Variants in LURAP1L observed in about 807,000 individuals in gnomAD.
LURAP1L encodes the protein leucine rich adaptor protein 1 like.
A neutral mutation model predicts 13.8 loss-of-function variants in LURAP1L; 12 were observed. The observed-to-expected ratio is 0.87, with a 90% CI of 0.56 to 1.41. The LOEUF (loss-of-function observed/expected upper bound fraction) is 1.41. Ranked by LOEUF, LURAP1L falls within the 40% of genes most tolerant of loss-of-function variation. LURAP1L has a pLI of 0.00. For missense variants in LURAP1L, 375 were observed against 292.9 expected (o/e 1.28, Z -2.04); for synonymous variants, 139 against 119.2 (o/e 1.17, Z -1.08).
chr9:12,811,838 G>C (rs138034815), intron 1 of LURAP1L, among the ~76,000 whole-genome samples: 2 of 152,242 alleles, frequency 1.3e-5, no homozygotes, highest in African/African-American at 4.8e-5. Context: ...TCAAGTGAAG[G>C]CCCCTGGATC....
intron 1 of LURAP1L, among the ~76,000 whole-genome samples, chr9:12,784,476 G>A (rs903633957): frequency 6.6e-6 from 1 of 152,154 alleles, no homozygotes; most frequent in Non-Finnish European, 1.5e-5. Flanking sequence ...GTGGTGTGGG[G>A]TACTATATGA....
intron 1 of LURAP1L, among the ~76,000 whole-genome samples, chr9:12,785,420 G>C (rs147768452): frequency 7.3e-4 from 111 of 152,196 alleles, no homozygotes; most frequent in African/African-American, 2.5e-3. Context: ...GCCCAGCACA[G>C]TACCAGAACT....
At chr9:12,809,980 T>C (rs1242403835) in intron 1 of LURAP1L, among the ~76,000 whole-genome samples, 1 of 152,198 alleles carries the variant, frequency 6.6e-6, no homozygotes, top group East Asian at 1.9e-4. Context: ...GGAAGTGTTC[T>C]CCTGTCCATA....
intron 1 of LURAP1L, among the ~76,000 whole-genome samples, chr9:12,817,496 T>A (rs1017877813): frequency 6.6e-6 from 1 of 152,130 alleles, no homozygotes; most frequent in Non-Finnish European, 1.5e-5. Context: ...ATAAATATGA[T>A]GAAGGAAATA....
rs538543144 is a variant in LURAP1L at position 12,790,446 on chromosome 9, G to T, written c.312+14419G>T. On this transcript the variant is annotated intron_variant, in intron 1 of 1. Coordinates refer to ENST00000319264, the MANE Select transcript of LURAP1L (RefSeq NM_203403.2). Reference sequence around the variant, plus strand: ...CTACACTAGCAACATTTGCTTTTTTGTAGTGGATCATAGAAACCCAATGCC... The same window carrying T: ...CTACACTAGCAACATTTGCTTTTTTTTAGTGGATCATAGAAACCCAATGCC... 2.0e-5 allele frequency among the ~76,000 whole-genome samples: 3 copies of T among 152,102 alleles called. No homozygotes were observed. In the East Asian group the frequency reaches 5.8e-4, roughly 29 times the overall value.
At chr9:12,816,212 T>A (rs2076342918) in intron 1 of LURAP1L, among the ~76,000 whole-genome samples, 1 of 152,216 alleles carries the variant, frequency 6.6e-6, no homozygotes, top group Non-Finnish European at 1.5e-5. Context: ...TTATTAAATA[T>A]CTGAAACGAA....
At position 12,781,801 on chromosome 9, in the gene LURAP1L, A is replaced by G. The variant is rs371752975; in HGVS notation, c.312+5774A>G. On this transcript the variant is annotated intron_variant, in intron 1 of 1. Coordinates refer to ENST00000319264, the MANE Select transcript of LURAP1L (RefSeq NM_203403.2). ...TAGTGGGATTGCTGGATTATATATT[A>G]GTTCTAATTTTATTTTTTTAAGGAA... Among the ~76,000 whole-genome samples the G allele has an allele frequency of 1.8e-4, 28 of 152,294 alleles. No homozygotes were observed. The East Asian group carries it at 5.2e-3, about 28-fold the overall frequency.
At chr9:12,781,993 A>C (rs1414774640) in intron 1 of LURAP1L, among the ~76,000 whole-genome samples, 1 of 152,140 alleles carries the variant, frequency 6.6e-6, no homozygotes, top group East Asian at 1.9e-4. Context: ...TTTGATTTGC[A>C]TTTCTCTGGT....
intron 1 of LURAP1L, among the ~76,000 whole-genome samples, chr9:12,797,862 G>C (rs1819529673): frequency 6.6e-6 from 1 of 151,938 alleles, no homozygotes; most frequent in Non-Finnish European, 1.5e-5. Context: ...CTATTATTTA[G>C]TTTCACGTGT....
Position 12,775,760 on chromosome 9 carries a change from G to A in LURAP1L, c.45G>A (p.Lys15=), listed in dbSNP as rs1819162964. 2.5e-6 allele frequency: 4 copies of A among 1,606,474 alleles called. No individual in the cohort carries two copies. In the Admixed American group the frequency reaches 7.0e-5, roughly 28 times the overall value. ...PLPDLRDIEL[K]LGRKVPESLV... is the part of the protein sequence containing the mutation. ...CAGACCTCAGAGACATCGAGCTGAA[G>A]CTGGGGCGCAAAGTACCCGAGAGTC... Residue 15 remains lysine (K), a synonymous_variant, in exon 1 of 2, where the codon AAG becomes AAA. Coordinates refer to ENST00000319264, the MANE Select transcript of LURAP1L (RefSeq NM_203403.2).
At chr9:12,785,478 T>G (rs1819337551) in intron 1 of LURAP1L, among the ~76,000 whole-genome samples, 1 of 152,126 alleles carries the variant, frequency 6.6e-6, no homozygotes, top group Non-Finnish European at 1.5e-5. Flanking sequence ...CTTTCAAGTT[T>G]ATTTATGACC....
At chr9:12,799,602 C>A (rs1038695063) in intron 1 of LURAP1L, among the ~76,000 whole-genome samples, 1 of 151,980 alleles carries the variant, frequency 6.6e-6, no homozygotes, top group African/African-American at 2.4e-5. Context: ...AAAATTAGGC[C>A]GGGTGTGGTG....
intron 1 of LURAP1L, among the ~76,000 whole-genome samples, chr9:12,819,448 T>G (rs1563900385): frequency 1.3e-5 from 2 of 152,334 alleles, no homozygotes; most frequent in East Asian, 3.9e-4. Context: ...ATGGATTAAC[T>G]CCTCATACAG....
At chr9:12,800,344 T>G (rs1819566878) in intron 1 of LURAP1L, among the ~76,000 whole-genome samples, 1 of 152,148 alleles carries the variant, frequency 6.6e-6, no homozygotes, top group Admixed American at 6.5e-5. Flanking sequence ...GAGAAAATGT[T>G]AAGTAACATA....
intron 1 of LURAP1L, among the ~76,000 whole-genome samples, chr9:12,802,726 T>G (rs1819603726): frequency 1.3e-5 from 2 of 152,128 alleles, no homozygotes; most frequent in Admixed American, 6.5e-5. Context: ...GATAATGTGT[T>G]GAGCTTGTCT....
chr9:12,821,970 T>G lies in LURAP1L; in HGVS notation c.*210T>G, dbSNP rs2118560566. 2.1e-6 allele frequency: 1 copy of G among 473,414 alleles called. No individual in the cohort carries two copies. Among genetic ancestry groups the G allele is most frequent in the African/African-American group, 2.0e-5 (1 of 50,912 alleles). The allele number at this position is 473,414 out of a possible 1,614,324, so 29.3% of individuals were successfully genotyped here. ...CTGTTACATCTCTATTTTTTATTTA[T>G]TACAATGATTTTCTCCCTTCTTTTA... On this transcript the variant is annotated 3_prime_UTR_variant, in exon 2 of 2. Coordinates refer to ENST00000319264, the MANE Select transcript of LURAP1L (RefSeq NM_203403.2).
chr9:12,798,187 A>C (rs1212316081), intron 1 of LURAP1L, among the ~76,000 whole-genome samples: 4 of 152,152 alleles, frequency 2.6e-5, no homozygotes, highest in Non-Finnish European at 5.9e-5. Flanking sequence ...GCATCTGAGC[A>C]AGAATAATAA....
At chr9:12,809,941 T>A (rs1018635408) in intron 1 of LURAP1L, among the ~76,000 whole-genome samples, 2 of 152,190 alleles carry the variant, frequency 1.3e-5, no homozygotes, top group African/African-American at 4.8e-5. Flanking sequence ...AATAGCCTTA[T>A]TGATGTGGTC....
At position 12,793,037 on chromosome 9, in the gene LURAP1L, A is replaced by G. The variant is rs191299289; in HGVS notation, c.312+17010A>G. Among the ~76,000 whole-genome samples, 144 of 152,186 alleles carry G rather than the reference A, an allele frequency of 9.5e-4. 1 individual carries two copies. Among genetic ancestry groups the G allele is most frequent in the African/African-American group, 3.2e-3 (134 of 41,560 alleles). On this transcript the variant is annotated intron_variant, in intron 1 of 1. Coordinates refer to ENST00000319264, the MANE Select transcript of LURAP1L (RefSeq NM_203403.2). ...TCAGTCTGGAAAAACGAACTAGAACATAAGAAGGACGATTTTGGTAGTCAC... is the reference window on the plus strand; with the variant it reads ...TCAGTCTGGAAAAACGAACTAGAACGTAAGAAGGACGATTTTGGTAGTCAC...
Sources: gnomAD v4.1 joint callset for allele counts (sites outside exome capture counted in the v4.1 genomes callset) on GRCh38, gnomAD v4.1.1 for gene constraint, MANE v1.5 for transcripts, NCBI Gene and HGNC (gene_info 2026-07-23, HGNC 2026-07-21) for gene names.